The following PRLR variants were observed in gnomAD, a reference collection of about 807,000 sequenced individuals.
PRLR encodes the protein hPRL receptor.
PRLR carries 13 observed loss-of-function variants against 40.2 expected under a neutral mutation model. The observed-to-expected ratio is 0.32, with a 90% CI of 0.21 to 0.51. The LOEUF (loss-of-function observed/expected upper bound fraction) is 0.51. PRLR is among the 20% of genes least tolerant of loss of function. The pLI, the probability that PRLR is intolerant of heterozygous loss-of-function variation, is 0.97. For missense variants in PRLR, 656 were observed against 747.3 expected, an observed-to-expected ratio of 0.88 and a Z score of 1.42; for synonymous variants, 269 against 278.7, an observed-to-expected ratio of 0.97 and a Z score of 0.35.
At chr5:35,068,514 T>G (rs1005631244) in intron 8 of PRLR, among the ~76,000 whole-genome samples, 2 of 152,182 alleles carry the variant, frequency 1.3e-5, no homozygotes, top group African/African-American at 4.8e-5. Flanking sequence ...GACTATTTGC[T>G]TCTCTTGATT....
chr5:35,081,580 T>C (rs1770522280), intron 5 of PRLR: 1 of 153,682 alleles, frequency 6.5e-6, no homozygotes, highest in South Asian at 2.0e-4. Flanking sequence ...ACATAGTCTT[T>C]CACCAGAGAA....
intron 8 of PRLR, among the ~76,000 whole-genome samples, chr5:35,049,742 T>C (rs2112319407): frequency 6.6e-6 from 1 of 152,276 alleles, no homozygotes; most frequent in South Asian, 2.1e-4. Flanking sequence ...TCTAGCATCC[T>C]AGGACAGAGA....
intron 9 of PRLR, among the ~76,000 whole-genome samples, chr5:35,067,670 T>C (rs1215764976): frequency 6.6e-6 from 1 of 152,252 alleles, no homozygotes; most frequent in Non-Finnish European, 1.5e-5. Flanking sequence ...ACCTCTCTTT[T>C]CATTCAAAAC....
chr5:35,200,901 T>A (rs1775866411), intron 1 of PRLR, among the ~76,000 whole-genome samples: 1 of 152,206 alleles, frequency 6.6e-6, no homozygotes, highest in African/African-American at 2.4e-5. Context: ...CCCAGATCTT[T>A]CCTTTACAGA....
chr5:35,131,781 T>C (rs1234396367), intron 1 of PRLR, among the ~76,000 whole-genome samples: 1 of 152,196 alleles, frequency 6.6e-6, no homozygotes, highest in Non-Finnish European at 1.5e-5. Context: ...GCACCTACCA[T>C]ACAAGCATCC....
At chr5:35,134,830 C>A (rs138110464) in intron 1 of PRLR, among the ~76,000 whole-genome samples, 135 of 152,312 alleles carry the variant, frequency 8.9e-4, no homozygotes, top group African/African-American at 3.2e-3. Context: ...GGCTGTTTGG[C>A]TCCCATCCCT....
chr5:35,195,142 A>C (rs1413620707), intron 1 of PRLR: 3 of 152,218 alleles, frequency 2.0e-5, no homozygotes, highest in African/African-American at 7.2e-5. Flanking sequence ...AGCTCTTCAG[A>C]GTTCCCTGTC....
intron 1 of PRLR, among the ~76,000 whole-genome samples, chr5:35,211,731 G>A (rs550782451): frequency 6.6e-6 from 1 of 152,256 alleles, no homozygotes; most frequent in South Asian, 2.1e-4. Flanking sequence ...GATTCATGAT[G>A]TAGTATTAAT....
intron 8 of PRLR, 100 bp downstream of exon 8, chr5:35,068,679 T>C: frequency 5.3e-6 from 5 of 950,166 alleles, no homozygotes; most frequent in East Asian, 4.8e-5. Context: ...ATGGCTAAAA[T>C]GAGGATTATC....
At chr5:35,177,092 T>G (rs1775170210) in intron 1 of PRLR, among the ~76,000 whole-genome samples, 1 of 152,152 alleles carries the variant, frequency 6.6e-6, no homozygotes, top group African/African-American at 2.4e-5. Context: ...AGACCTTTGT[T>G]CACGTGTTTG....
intron 1 of PRLR, among the ~76,000 whole-genome samples, chr5:35,119,744 G>A (rs2111723381): frequency 6.6e-6 from 1 of 152,230 alleles, no homozygotes; most frequent in African/African-American, 2.4e-5. Flanking sequence ...GCTCCGTTCT[G>A]TCATCTCCAA....
intron 1 of PRLR, among the ~76,000 whole-genome samples, chr5:35,150,224 T>C (rs1774302273): frequency 6.6e-6 from 1 of 152,212 alleles, no homozygotes; most frequent in African/African-American, 2.4e-5. Flanking sequence ...CAGTCTATCA[T>C]AGAGCCCACT....
chr5:35,121,255 C>T (rs1423179760), intron 1 of PRLR, among the ~76,000 whole-genome samples: 6 of 152,146 alleles, frequency 3.9e-5, no homozygotes, highest in African/African-American at 1.4e-4. Flanking sequence ...TTCTGCAGAG[C>T]ATGGAGAGTA....
intron 1 of PRLR, among the ~76,000 whole-genome samples, chr5:35,156,683 T>C (rs944246971): frequency 6.6e-6 from 1 of 152,150 alleles, no homozygotes; most frequent in Admixed American, 6.5e-5. Context: ...CTCAAATGAC[T>C]TCCATGGATT....
At chr5:35,099,647 G>A (rs1334866994) in intron 2 of PRLR, among the ~76,000 whole-genome samples, 1 of 152,144 alleles carries the variant, frequency 6.6e-6, no homozygotes, top group Non-Finnish European at 1.5e-5. Flanking sequence ...TCATCCTTGA[G>A]GAACTTCAAG....
chr5:35,145,810 T>C (rs1207321656), intron 1 of PRLR, among the ~76,000 whole-genome samples: 3 of 150,042 alleles, frequency 2.0e-5, no homozygotes, highest in African/African-American at 7.6e-5. Context: ...GAAACTTCTT[T>C]ATAAAACTGC....
chr5:35,174,384 C>T (rs922387574), intron 1 of PRLR, among the ~76,000 whole-genome samples: 26 of 152,224 alleles, frequency 1.7e-4, no homozygotes, highest in African/African-American at 6.0e-4. Context: ...GCCACCATGT[C>T]TGGACACTTT....
At chr5:35,153,146 T>A (rs983773795) in intron 1 of PRLR, among the ~76,000 whole-genome samples, 7 of 152,238 alleles carry the variant, frequency 4.6e-5, no homozygotes, top group African/African-American at 1.7e-4. Context: ...AAGCACTTAA[T>A]AAAGGATGGC....
chr5:35,162,150 A>T (rs182744984), intron 1 of PRLR, among the ~76,000 whole-genome samples: 143 of 152,350 alleles, frequency 9.4e-4, no homozygotes, highest in African/African-American at 3.3e-3. Context: ...GCCAACCCTT[A>T]TCCTTTCCAG....
Sources: gnomAD v4.1 joint callset for allele counts (sites outside exome capture counted in the v4.1 genomes callset) on GRCh38, gnomAD v4.1.1 for gene constraint, MANE v1.5 for transcripts, NCBI Gene and HGNC (gene_info 2026-07-23, HGNC 2026-07-21) for gene names.